NR3C1: variants seen among roughly 807,000 people sequenced by gnomAD.
NR3C1 encodes the protein nuclear receptor subfamily 3 group C member 1.
Under a neutral mutation model 74.0 loss-of-function variants are expected in NR3C1, and 14 were observed. The observed-to-expected ratio is 0.19, with a 90% confidence interval of 0.12 to 0.30. The LOEUF (loss-of-function observed/expected upper bound fraction) is 0.30. NR3C1 is among the 10% of genes least tolerant of loss of function. The probability of loss-of-function intolerance (pLI) is 1.00; values close to 1 mark genes in which losing one functional copy is unlikely to be tolerated. For missense variants in NR3C1, 695 were observed against 909.8 expected, an observed-to-expected ratio of 0.76 and a Z score of 3.04; for synonymous variants, 308 against 332.5, an observed-to-expected ratio of 0.93 and a Z score of 0.80.
Position 143,282,817 on chromosome 5 carries a change from T to G in NR3C1, c.2024-92A>C, listed in dbSNP as rs1315593846. 4 of 1,403,716 alleles carry G rather than the reference T, an allele frequency of 2.8e-6. No individual in the cohort carries two copies. The South Asian group carries it at 5.0e-5, about 18-fold the overall frequency. 87.0% of individuals were successfully genotyped at this position (1,403,716 alleles called of 1,614,324 possible). ...TTGAGATAGATAGGGTCTCACTGTG[T>G]CATCCAGGCTGGAGTGCAGTGGCAT... On this transcript the variant is annotated intron_variant, in intron 7 of 8. Coordinates refer to ENST00000394464, the MANE Select transcript of NR3C1 (RefSeq NM_000176.3).
intron 2 of NR3C1, among the ~76,000 whole-genome samples, chr5:143,357,033 T>C (rs1831276477): frequency 6.6e-6 from 1 of 152,238 alleles, no homozygotes; most frequent in Non-Finnish European, 1.5e-5. Context: ...GTATAGTTTA[T>C]AAACAGAATT....
At chr5:143,290,785 G>A (rs982194176) in intron 7 of NR3C1, among the ~76,000 whole-genome samples, 3 of 151,892 alleles carry the variant, frequency 2.0e-5, no homozygotes, top group Non-Finnish European at 4.4e-5. Context: ...GGCTGGTCTC[G>A]AACTCCTGAC....
intron 2 of NR3C1, among the ~76,000 whole-genome samples, chr5:143,328,930 C>T (rs1200227311): frequency 6.6e-6 from 1 of 152,174 alleles, no homozygotes; most frequent in Non-Finnish European, 1.5e-5. Context: ...CCTATATCTT[C>T]CAGTTTTCTT....
upstream of NR3C1, chr5:143,405,343 C>T (rs994253637): frequency 6.1e-6 from 6 of 985,638 alleles, no homozygotes; most frequent in Non-Finnish European, 7.2e-6. Context: ...CCTCCCGCCG[C>T]GCTCAGACTG....
Position 143,300,359 on chromosome 5 carries a change from T to G in NR3C1, c.1747+126A>C. 8.6e-7 allele frequency: 1 copy of G among 1,167,930 alleles called. No homozygotes were observed. The allele number at this position is 1,167,930 out of a possible 1,614,324, so 72.3% of individuals were successfully genotyped here. ...ACCTGTATTCACCTGACTCTCCCCT[T>G]CATAGTCCCCAGAACTAAGAGAAAC... On this transcript the variant is annotated intron_variant, in intron 5 of 8. Transcript: ENST00000394464. The surrounding 1 kb of genome is among the most constrained non-coding windows in gnomAD (Gnocchi z 5.2).
At chr5:143,367,395 G>GTAGAA (rs1433172439) in intron 2 of NR3C1, among the ~76,000 whole-genome samples, 1 of 152,156 alleles carries the variant, frequency 6.6e-6, no homozygotes, top group Non-Finnish European at 1.5e-5. Flanking sequence ...CTGCACTGGA[G>GTAGAA]GTTCTAGCTA....
At chr5:143,341,863 G>A (rs1311809972) in intron 2 of NR3C1, among the ~76,000 whole-genome samples, 3 of 152,062 alleles carry the variant, frequency 2.0e-5, no homozygotes, top group Non-Finnish European at 2.9e-5. Flanking sequence ...TGAAATATTA[G>A]TACTATGGGC....
intron 2 of NR3C1, among the ~76,000 whole-genome samples, chr5:143,340,824 ATATATTTTTAAACTTT>A: frequency 6.6e-6 from 1 of 152,214 alleles, no homozygotes; most frequent in South Asian, 2.1e-4. Context: ...TTTACCAAAT[ATATATTTTTAAACTTT>A]TAGGCTTGGG....
intron 2 of NR3C1, among the ~76,000 whole-genome samples, chr5:143,351,749 A>G (rs899198170): frequency 7.2e-5 from 11 of 152,236 alleles, no homozygotes; most frequent in African/African-American, 2.7e-4. Flanking sequence ...AAATTTATAA[A>G]GATATAACTT....
exon 1 of NR3C1, chr5:143,434,774 TG>T (rs1752034077): frequency 9.1e-6 from 9 of 985,340 alleles, no homozygotes; most frequent in Non-Finnish European, 1.1e-5. Flanking sequence ...GCCCCTTTCC[TG>T]GGCTAACTGC....
intron 2 of NR3C1, chr5:143,332,998 T>C (rs1826322673): frequency 6.3e-7 from 1 of 1,587,046 alleles, no homozygotes; most frequent in African/African-American, 1.3e-5. Context: ...ACCATCCCTC[T>C]GACAGACAAC....
In NR3C1 at chr5:143,400,413, C is replaced by G. The variant is rs1840046615; in HGVS notation, c.427G>C (p.Ala143Pro). ...TSVPENPKSS[A>P]STAVSAAPTE... Reference sequence around the variant, plus strand: ...GGGGCAGCAGACACAGCAGTGGATGCTGAACTCTTGGGGTTCTCTGGAACA... The same window carrying G: ...GGGGCAGCAGACACAGCAGTGGATGGTGAACTCTTGGGGTTCTCTGGAACA... Residue 143 changes from alanine to proline, a missense_variant, in exon 2 of 9, where the codon GCA becomes CCA. This residue lies in a region of NR3C1 where 497 missense variants were observed against 489.5 expected (regional missense o/e 1.02). Transcript: ENST00000394464. 3.7e-6 allele frequency: 6 copies of G among 1,614,168 alleles called. No homozygotes were observed. The highest frequency in any genetic ancestry group is 5.1e-6 in the Non-Finnish European group (6 of 1,180,028).
At chr5:143,331,243 C>T (rs1561585604) in intron 2 of NR3C1, among the ~76,000 whole-genome samples, 2 of 152,132 alleles carry the variant, frequency 1.3e-5, no homozygotes, top group African/African-American at 2.4e-5. Context: ...TACCATCTCA[C>T]ACCAGTCAGA....
At chr5:143,324,336 C>T (rs958983487) in intron 2 of NR3C1, among the ~76,000 whole-genome samples, 3 of 152,258 alleles carry the variant, frequency 2.0e-5, no homozygotes, top group Non-Finnish European at 4.4e-5. Context: ...TGTGTACCCA[C>T]AGGCTCAGCA....
In NR3C1 at chr5:143,377,277, C is replaced by A. The variant is rs371356386; in HGVS notation, c.1184+22379G>T. 1.4e-4 allele frequency among the ~76,000 whole-genome samples: 21 copies of A among 152,228 alleles called. 1 individual carries two copies. The highest frequency in any genetic ancestry group is 1.0e-3 in the Admixed American group (16 of 15,296). On this transcript the variant is annotated intron_variant, in intron 2 of 8. Transcript: ENST00000394464. ...AGGAAGGGGATGCCATTCCCCTCCC[C>A]CCACACAAAAAAAGGCCATGACTCA...
At chr5:143,413,298 T>G (rs1329656898) in intron 1 of NR3C1, among the ~76,000 whole-genome samples, 1 of 152,130 alleles carries the variant, frequency 6.6e-6, no homozygotes, top group Non-Finnish European at 1.5e-5. Flanking sequence ...AGGACTGACT[T>G]GAATTATGAA....
intron 2 of NR3C1, among the ~76,000 whole-genome samples, chr5:143,358,180 A>T (rs1186761961): frequency 6.6e-6 from 1 of 152,176 alleles, no homozygotes; most frequent in East Asian, 1.9e-4. Context: ...ACCCCAATAA[A>T]TTAAACATTT....
chr5:143,417,441 C>T (rs967707708), intron 1 of NR3C1, among the ~76,000 whole-genome samples: 1 of 152,086 alleles, frequency 6.6e-6, no homozygotes, highest in Non-Finnish European at 1.5e-5. Flanking sequence ...AGACTTGAGA[C>T]TCTACCTCCT....
At chr5:143,312,281 T>C (rs1202562520) in intron 3 of NR3C1, among the ~76,000 whole-genome samples, 1 of 152,092 alleles carries the variant, frequency 6.6e-6, no homozygotes, top group Non-Finnish European at 1.5e-5. Flanking sequence ...GTGTGGCCAA[T>C]AAAATATGGC....
Sources: allele counts gnomAD v4.1 joint callset (sites outside exome capture counted in the v4.1 genomes callset), GRCh38; gene constraint gnomAD v4.1.1; regional missense constraint gnomAD v4.1.1; non-coding constraint Gnocchi (gnomAD v3.1); transcripts MANE v1.5; gene names NCBI Gene and HGNC (gene_info 2026-07-23, HGNC 2026-07-21).